The following SAXO4 variants were observed in gnomAD, a reference collection of about 807,000 sequenced individuals.
SAXO4 encodes stabilizer of axonemal microtubules 4.
At chr11:61,490,388 C>T in the SAXO4 span, 4 of 953,994 alleles carry the variant, frequency 4.2e-6, no homozygotes, top group Middle Eastern at 2.1e-4. Flanking sequence ...GCTTGGCTGC[C>T]CTGGCTGAAC....
chr11:61,482,065 C>A, the SAXO4 span: 1 of 690,044 alleles, frequency 1.4e-6, no homozygotes, highest in Admixed American at 2.9e-5. Flanking sequence ...CGGCTGCTCC[C>A]TTCTCTGGTT....
At chr11:61,486,950 G>A in the SAXO4 span, 2 of 1,613,576 alleles carry the variant, frequency 1.2e-6, no homozygotes, top group Non-Finnish European at 1.7e-6. Context: ...CCCTGCAGGT[G>A]CCCCCTCCCT....
At chr11:61,489,463 A>C in the SAXO4 span, 1 of 558,530 alleles carries the variant, frequency 1.8e-6, no homozygotes, top group Non-Finnish European at 3.1e-6. Context: ...AATGGAAATG[A>C]AATGGAAGGA....
At chr11:61,490,005 G>A in the SAXO4 span, 4 of 1,504,012 alleles carry the variant, frequency 2.7e-6, no homozygotes, top group Non-Finnish European at 3.6e-6. Context: ...CGTGTGCCAG[G>A]CCTTTCCCTT....
At chr11:61,485,309 C>T in the SAXO4 span, 19 of 1,606,272 alleles carry the variant, frequency 1.2e-5, no homozygotes, top group African/African-American at 4.0e-5. Context: ...TGGGTCAGTG[C>T]CCCCACTCCT....
the SAXO4 span, chr11:61,490,548 G>C: frequency 3.1e-6 from 5 of 1,614,136 alleles, no homozygotes; most frequent in South Asian, 5.5e-5. Flanking sequence ...CCTCACAGCA[G>C]CCGCTGCGTG....
chr11:61,486,698 T>G, the SAXO4 span: 10 of 1,279,550 alleles, frequency 7.8e-6, no homozygotes, highest in Non-Finnish European at 1.1e-5. Context: ...CATTGAAGAA[T>G]GAGAAGAATT....
At chr11:61,482,519 C>G in the SAXO4 span, 1 of 1,561,514 alleles carries the variant, frequency 6.4e-7, no homozygotes. Flanking sequence ...TTTGCCTGCC[C>G]TAGGCTGGGG....
the SAXO4 span, among the ~76,000 whole-genome samples, chr11:61,482,987 C>G: frequency 4.6e-5 from 7 of 151,906 alleles, no homozygotes; most frequent in Admixed American, 3.3e-4. Context: ...TCCCCACCAC[C>G]TCTATTCCCT....
At chr11:61,490,585 GT>G in the SAXO4 span, 7 of 1,611,972 alleles carry the variant, frequency 4.3e-6, no homozygotes, top group African/African-American at 9.3e-5. Context: ...TGAGCCCTTG[GT>G]AAGGGGCTGG....
the SAXO4 span, chr11:61,489,861 T>C: frequency 6.2e-7 from 1 of 1,613,888 alleles, no homozygotes; most frequent in South Asian, 1.1e-5. Flanking sequence ...GCCAGGAGGC[T>C]ACGCCCTCAG....
the SAXO4 span, chr11:61,489,758 C>T: frequency 1.2e-6 from 2 of 1,613,598 alleles, no homozygotes; most frequent in African/African-American, 2.7e-5. Context: ...CAGCTTCCAG[C>T]CAAGGACCCC....
At chr11:61,485,170 C>T in the SAXO4 span, among the ~76,000 whole-genome samples, 1 of 152,050 alleles carries the variant, frequency 6.6e-6, no homozygotes, top group African/African-American at 2.4e-5. Context: ...TGCTGAAATT[C>T]CTGGCCCTGC....
the SAXO4 span, chr11:61,482,856 G>T: frequency 1.3e-6 from 2 of 1,526,560 alleles, no homozygotes; most frequent in Non-Finnish European, 1.7e-6. Context: ...GGGTGGGGTG[G>T]GGCTAGGGCT....
At chr11:61,482,362 A>C in the SAXO4 span, 1 of 1,614,118 alleles carries the variant, frequency 6.2e-7, no homozygotes, top group Non-Finnish European at 8.5e-7. Context: ...ACCGGCTACA[A>C]ATCAAATTTC....
chr11:61,481,423 GGGTATGTAA>G, the SAXO4 span, among the ~76,000 whole-genome samples: 2 of 152,162 alleles, frequency 1.3e-5, no homozygotes, highest in Non-Finnish European at 2.9e-5. Context: ...TCCGAGAGGT[GGGTATGTAA>G]GGTTCAGGTC....
the SAXO4 span, chr11:61,487,051 T>TG: frequency 2.6e-4 from 426 of 1,613,798 alleles, no homozygotes; most frequent in Non-Finnish European, 3.6e-4. Context: ...CGGGAGACTG[T>TG]GGGGAAAAAG....
the SAXO4 span, chr11:61,486,439 G>A: frequency 6.2e-7 from 1 of 1,613,740 alleles, no homozygotes. Context: ...GGACCGCCTG[G>A]CGGGGAGCAG....
At chr11:61,488,162 T>C in the SAXO4 span, among the ~76,000 whole-genome samples, 1 of 151,832 alleles carries the variant, frequency 6.6e-6, no homozygotes. Context: ...AATTTTTGTA[T>C]TTTTAGTAGA....
Sources: allele counts gnomAD v4.1 joint callset (sites outside exome capture counted in the v4.1 genomes callset), GRCh38; gene constraint gnomAD v4.1.1; transcripts MANE v1.5; gene names NCBI Gene and HGNC (gene_info 2026-07-23, HGNC 2026-07-21).